Variants in EPHB1 observed in about 807,000 individuals in gnomAD.
The protein encoded by EPHB1 is EPH receptor B1.
In EPHB1, 30 loss-of-function variants were observed where a neutral mutation model predicts 94.4. The observed-to-expected ratio is 0.32, with a 90% confidence interval of 0.24 to 0.43. The LOEUF (loss-of-function observed/expected upper bound fraction) is 0.43, where lower values mean the gene tolerates loss of function less well. Among genes scored for constraint, EPHB1 ranks in the 20% least tolerant of loss-of-function variants. The pLI is 1.00. For missense variants in EPHB1, 1,055 were observed against 1,308.3 expected, an observed-to-expected ratio of 0.81 and a Z score of 2.99; for synonymous variants, 522 against 489.1, an observed-to-expected ratio of 1.07 and a Z score of -0.89.
chr3:134,839,483 G>A (rs1445186202), intron 1 of EPHB1, among the ~76,000 whole-genome samples: 2 of 152,150 alleles, frequency 1.3e-5, no homozygotes, highest in African/African-American at 4.8e-5. Flanking sequence ...TTTGACAGGA[G>A]CTAAGCTGCC....
intron 3 of EPHB1, among the ~76,000 whole-genome samples, chr3:134,962,007 C>A (rs1309160989): frequency 6.6e-6 from 1 of 152,130 alleles, no homozygotes; most frequent in African/African-American, 2.4e-5. Flanking sequence ...AGTAAAATTG[C>A]TGAATAAGAA....
intron 3 of EPHB1, among the ~76,000 whole-genome samples, chr3:135,071,080 C>A (rs184239891): frequency 6.6e-6 from 1 of 152,204 alleles, no homozygotes; most frequent in South Asian, 2.1e-4. Flanking sequence ...TACTGTCCCC[C>A]TCAAGGACTA....
chr3:135,099,227 G>T (rs753668798), intron 3 of EPHB1, among the ~76,000 whole-genome samples: 1 of 152,034 alleles, frequency 6.6e-6, no homozygotes, highest in East Asian at 1.9e-4. Flanking sequence ...TGTGCTAAGC[G>T]CTGGGGAAAG....
chr3:135,247,295 G>T (rs866292723), intron 13 of EPHB1, among the ~76,000 whole-genome samples: 1 of 152,136 alleles, frequency 6.6e-6, no homozygotes, highest in Admixed American at 6.5e-5. Context: ...TACAAAGCAA[G>T]ATTATACTAT....
At chr3:135,109,617 C>T (rs945099034) in intron 4 of EPHB1, among the ~76,000 whole-genome samples, 4 of 152,178 alleles carry the variant, frequency 2.6e-5, no homozygotes, top group African/African-American at 7.2e-5. Context: ...ACGCCATCAC[C>T]GAGCATCACA....
chr3:135,082,304 G>A (rs1174240315), intron 3 of EPHB1, among the ~76,000 whole-genome samples: 2 of 152,238 alleles, frequency 1.3e-5, no homozygotes, highest in African/African-American at 2.4e-5. Flanking sequence ...AGTGTGCAAA[G>A]ATAAACTGGT....
At chr3:134,852,265 T>C (rs10935134) in intron 1 of EPHB1, among the ~76,000 whole-genome samples, 140,971 of 151,898 alleles carry the variant, frequency 0.93, 66,298 homozygotes, top group East Asian at 1. Flanking sequence ...AGCCACAGCA[T>C]GCCCTGCCAC....
chr3:134,803,144 T>C (rs1045694374), intron 1 of EPHB1, among the ~76,000 whole-genome samples: 4 of 152,124 alleles, frequency 2.6e-5, no homozygotes, highest in African/African-American at 4.8e-5. Flanking sequence ...TGGAAACACA[T>C]AGGAGATTTT....
chr3:134,893,284 G>A (rs1267710714), intron 1 of EPHB1, among the ~76,000 whole-genome samples: 1 of 152,158 alleles, frequency 6.6e-6, no homozygotes, highest in Non-Finnish European at 1.5e-5. Context: ...CCTAAACTAT[G>A]TTAACTGAAA....
intron 3 of EPHB1, among the ~76,000 whole-genome samples, chr3:135,059,310 TGA>T (rs1937429594): frequency 6.6e-6 from 1 of 152,258 alleles, no homozygotes; most frequent in African/African-American, 2.4e-5. Context: ...CAGGTGTCAC[TGA>T]GAGTGCCTGA....
chr3:135,133,048 C>A lies in EPHB1; in HGVS notation c.1296C>A (p.Ala432=). The part of the protein sequence containing the change: ...HVSVNITTNQ[A]APSTVPIMHQ... ...CTGTCAACATCACCACAAACCAAGC[C>A]GGTAAGTCTGGAGGCTTCTGTGCTC... The change falls in exon 5 of 16, where the codon GCC becomes GCA. Residue 432 remains alanine (A), a splice_region_variant and synonymous_variant. Coordinates refer to ENST00000398015, the MANE Select transcript of EPHB1 (RefSeq NM_004441.5). 1 of 1,581,810 alleles carries A rather than the reference C, an allele frequency of 6.3e-7. No individual in the cohort carries two copies. Among genetic ancestry groups the A allele is most frequent in the Admixed American group, 1.7e-5 (1 of 58,608 alleles).
rs2037770071 is a variant in EPHB1, at chr3:134,882,765, C to CCTTTCTTTCTTTCTTCTTTCTTTCTTT, written c.59-43036_59-43035insCTTTCTTTCTTTCTTTCTTTCTTTCTT. On this transcript the variant is annotated intron_variant, in intron 1 of 15. Transcript: ENST00000398015. ...TTCTTTCTTCCTTTCTTCCTTCCTT[C>CCTTTCTTTCTTTCTTCTTTCTTTCTTT]CTTTCTTTCTTTCTTTCTTTCTTTC... is the stretch of plus-strand genomic sequence containing the variant. Among the ~76,000 whole-genome samples, 28 of 79,928 alleles carry CCTTTCTTTCTTTCTTCTTTCTTTCTTT rather than the reference C, an allele frequency of 3.5e-4. 1 individual carries two copies. The highest frequency in any genetic ancestry group is 1.5e-3 in the East Asian group (4 of 2,702). 52.4% of individuals were successfully genotyped at this position (79,928 alleles called of 152,430 possible).
chr3:135,245,187 T>G (rs894524823), intron 13 of EPHB1, among the ~76,000 whole-genome samples: 2 of 152,192 alleles, frequency 1.3e-5, no homozygotes, highest in African/African-American at 4.8e-5. Flanking sequence ...GTGATGAGGA[T>G]TCATCCTACT....
chr3:134,980,397 T>C (rs1376698244), intron 3 of EPHB1, among the ~76,000 whole-genome samples: 1 of 152,192 alleles, frequency 6.6e-6, no homozygotes, highest in African/African-American at 2.4e-5. Context: ...ACTTCTGCCA[T>C]ACCCGATTGG....
intron 1 of EPHB1, among the ~76,000 whole-genome samples, chr3:134,907,399 C>A (rs1337376794): frequency 2.0e-5 from 3 of 152,066 alleles, no homozygotes; most frequent in Admixed American, 2.0e-4. Flanking sequence ...GCAGATGGGC[C>A]CAAAGTGCTT....
intron 3 of EPHB1, among the ~76,000 whole-genome samples, chr3:135,099,115 A>G (rs1191924054): frequency 2.0e-5 from 3 of 149,766 alleles, no homozygotes; most frequent in South Asian, 2.1e-4. Context: ...TGTTGTTATT[A>G]TTATTATCAT....
chr3:135,115,485 C>T (rs1279944553), intron 4 of EPHB1, among the ~76,000 whole-genome samples: 1 of 152,224 alleles, frequency 6.6e-6, no homozygotes, highest in Non-Finnish European at 1.5e-5. Flanking sequence ...TTTGCGCACC[C>T]TGAGCATTCT....
In EPHB1 at chr3:135,113,297, C is replaced by G. The variant is rs192445347; in HGVS notation, c.961+6694C>G. 1.7e-3 allele frequency among the ~76,000 whole-genome samples: 265 copies of G among 152,360 alleles called. 1 individual carries two copies. The highest frequency in any genetic ancestry group is 2.7e-3 in the Non-Finnish European group (185 of 68,034). Reference sequence around the variant, plus strand: ...AGCGTTGCCTGTGTAAATGTGCTTTCACACTTCTGTAATCTACAATTTCTT... The same window carrying G: ...AGCGTTGCCTGTGTAAATGTGCTTTGACACTTCTGTAATCTACAATTTCTT... On this transcript the variant is annotated intron_variant, in intron 4 of 15. Transcript: ENST00000398015.
chr3:134,964,797 C>T (rs988834505), intron 3 of EPHB1, among the ~76,000 whole-genome samples: 1 of 152,188 alleles, frequency 6.6e-6, no homozygotes, highest in Non-Finnish European at 1.5e-5. Context: ...TGTCTGTCTT[C>T]TCTCTAGACT....
Sources: gnomAD v4.1 joint callset for allele counts (sites outside exome capture counted in the v4.1 genomes callset) on GRCh38, gnomAD v4.1.1 for gene constraint, MANE v1.5 for transcripts, NCBI Gene and HGNC (gene_info 2026-07-23, HGNC 2026-07-21) for gene names.